Variants in UBE4B observed in about 807,000 individuals in gnomAD.
The protein encoded by UBE4B is ubiquitination factor E4B.
A neutral mutation model predicts 148.1 loss-of-function variants in UBE4B; 27 were observed. That is an observed-to-expected ratio of 0.18 (90% CI 0.13 to 0.25). The LOEUF (loss-of-function observed/expected upper bound fraction) is 0.25. UBE4B is among the 10% of genes least tolerant of loss of function. The pLI is 1.00. For missense variants in UBE4B, 1,170 were observed against 1,662.4 expected, an observed-to-expected ratio of 0.70 and a Z score of 5.15; for synonymous variants, 596 against 619.3, an observed-to-expected ratio of 0.96 and a Z score of 0.56.
chr1:10,066,798 C>T (rs1052688610), intron 1 of UBE4B, among the ~76,000 whole-genome samples: 6 of 151,330 alleles, frequency 4.0e-5, no homozygotes, highest in African/African-American at 1.2e-4. Context: ...CCCAGCTACT[C>T]GGGAGGCTGA....
intron 1 of UBE4B, among the ~76,000 whole-genome samples, chr1:10,065,833 CTAA>C (rs1349398440): frequency 1.3e-5 from 2 of 152,052 alleles, no homozygotes; most frequent in African/African-American, 4.8e-5. Context: ...ATAATTTGCA[CTAA>C]TAATAATGTT....
At chr1:10,159,525 T>C (rs1349783774) in intron 22 of UBE4B, among the ~76,000 whole-genome samples, 8 of 152,048 alleles carry the variant, frequency 5.3e-5, no homozygotes, top group Non-Finnish European at 1.2e-4. Flanking sequence ...ACCAAAAAAT[T>C]AGCCAGGCAT....
At chr1:10,098,624 A>C (rs1644964134) in intron 3 of UBE4B, among the ~76,000 whole-genome samples, 1 of 152,210 alleles carries the variant, frequency 6.6e-6, no homozygotes, top group African/African-American at 2.4e-5. Context: ...CAGATGGCAT[A>C]GATTAAAGAT....
At chr1:10,134,443 C>T (rs1222620489) in intron 15 of UBE4B, among the ~76,000 whole-genome samples, 3 of 151,782 alleles carry the variant, frequency 2.0e-5, no homozygotes, top group Admixed American at 6.6e-5. Flanking sequence ...ACCCGGGAGG[C>T]GGAGGTTGTA....
In UBE4B at chr1:10,137,185, G is replaced by C. The variant is rs1319008877; in HGVS notation, c.2343G>C (p.Arg781=). 6.2e-7 allele frequency: 1 copy of C among 1,614,108 alleles called. No individual in the cohort carries two copies. Among genetic ancestry groups the C allele is most frequent in the Non-Finnish European group, 8.5e-7 (1 of 1,180,018 alleles). Residue 781 remains arginine (R), a synonymous_variant, in exon 17 of 28, where the codon CGG becomes CGC. Transcript: ENST00000343090. ...PSCRRYIRRL[R]AIRELNRTVE... is the part of the protein sequence containing the mutation. ...GCCGTCGCTATATCCGCAGACTCCG[G>C]GCTATCCGGGAGCTCAATAGGTATG...
At chr1:10,070,903 T>G (rs1644473048) in intron 1 of UBE4B, among the ~76,000 whole-genome samples, 1 of 152,200 alleles carries the variant, frequency 6.6e-6, no homozygotes, top group African/African-American at 2.4e-5. Flanking sequence ...TGAATTAAAT[T>G]GGCTATTTAT....
chr1:10,126,338 G>GATAGATAGATAGATAGATAGATAT (rs1645495746), intron 10 of UBE4B, among the ~76,000 whole-genome samples: 1 of 152,104 alleles, frequency 6.6e-6, no homozygotes, highest in African/African-American at 2.4e-5. Flanking sequence ...TAGATAGATA[G>GATAGATAGATAGATAGATAGATAT]ATAGATAGAT....
chr1:10,135,700 C>T (rs1265675072), intron 16 of UBE4B, among the ~76,000 whole-genome samples: 1 of 132,794 alleles, frequency 7.5e-6, no homozygotes, highest in Non-Finnish European at 1.5e-5. Flanking sequence ...CACGGCACTG[C>T]ACTCCAGCCT....
At chr1:10,166,972 A>ACAC (rs1557612300) in intron 23 of UBE4B, among the ~76,000 whole-genome samples, 186 of 120,322 alleles carry the variant, frequency 1.5e-3, no homozygotes, top group Middle Eastern at 8.1e-3. Flanking sequence ...CACACACACA[A>ACAC]AAAAAAAAAA....
chr1:10,043,672 C>A (rs998689683), intron 1 of UBE4B, among the ~76,000 whole-genome samples: 1 of 152,064 alleles, frequency 6.6e-6, no homozygotes, highest in African/African-American at 2.4e-5. Context: ...TCGTGATCCA[C>A]CCGCCTCAGC....
intron 17 of UBE4B, among the ~76,000 whole-genome samples, chr1:10,144,214 C>G (rs1375390755): frequency 6.6e-6 from 1 of 152,088 alleles, no homozygotes. Flanking sequence ...AAGAGCATTG[C>G]GAGCAGAGGG....
At chr1:10,089,866 A>AT (rs999026515) in intron 2 of UBE4B, among the ~76,000 whole-genome samples, 2 of 150,536 alleles carry the variant, frequency 1.3e-5, no homozygotes, top group Non-Finnish European at 3.0e-5. Flanking sequence ...TGTCTGGCTA[A>AT]TTTTTTTTTG....
chr1:10,093,656 G>A (rs1644883517), intron 2 of UBE4B, among the ~76,000 whole-genome samples: 2 of 151,980 alleles, frequency 1.3e-5, no homozygotes, highest in African/African-American at 2.4e-5. Context: ...TCACTACAAC[G>A]GGTAACTCAA....
At position 10,174,987 on chromosome 1, in the gene UBE4B, C is replaced by T. The variant is rs539947682; in HGVS notation, c.3526-3657C>T. Among the ~76,000 whole-genome samples, 19 of 152,100 alleles carry T rather than the reference C, an allele frequency of 1.2e-4. 1 individual carries two copies. The highest frequency in any genetic ancestry group is 1.0e-3 in the Admixed American group (16 of 15,268). On this transcript the variant is annotated intron_variant, in intron 25 of 27. Transcript: ENST00000343090. ...GTTTGGTTTGGTATGTCTTGTTTTC[C>T]GGGAAAGACAAAGGAAGAGGAAAAT... is the stretch of plus-strand genomic sequence containing the variant.
At chr1:10,124,590 A>T (rs1290079356) in intron 10 of UBE4B, among the ~76,000 whole-genome samples, 1 of 152,198 alleles carries the variant, frequency 6.6e-6, no homozygotes, top group Non-Finnish European at 1.5e-5. Context: ...TTTTATCTAG[A>T]GAGGAATGAT....
Position 10,103,063 on chromosome 1 carries a change from C to T in UBE4B, c.551C>T (p.Ser184Phe). 1 of 1,612,280 alleles carries T rather than the reference C, an allele frequency of 6.2e-7. No homozygotes were observed. Among genetic ancestry groups the T allele is most frequent in the Non-Finnish European group, 8.5e-7 (1 of 1,179,426 alleles). ...DRDVIFLSSL[S>F]AQFKQNPKEV... ...GATGTCATCTTTCTTTCTTCTCTTT[C>T]TGCACAGTTTAAGCAGAACCCAAAA... The change falls in exon 5 of 28, where the codon TCT (serine) becomes TTT (phenylalanine). Residue 184 changes from serine to phenylalanine, a missense_variant. Physicochemically the swap from Ser to Phe is radical, Grantham distance 155 (BLOSUM62 -2). Transcript: ENST00000343090.
chr1:10,158,064 T>C (rs1646102347), intron 21 of UBE4B, among the ~76,000 whole-genome samples: 1 of 151,916 alleles, frequency 6.6e-6, no homozygotes. Context: ...GTGGGGGGAG[T>C]ATGATAATTC....
chr1:10,075,228 A>G (rs575880874), intron 2 of UBE4B, among the ~76,000 whole-genome samples: 1 of 152,328 alleles, frequency 6.6e-6, no homozygotes, highest in Non-Finnish European at 1.5e-5. Flanking sequence ...GTAAAACTTC[A>G]CTTACAAAAA....
rs541171526 is a variant in UBE4B, at chr1:10,092,721, G to A, written c.212-2740G>A. Among the ~76,000 whole-genome samples, 6 of 152,100 alleles carry A rather than the reference G, an allele frequency of 3.9e-5. No individual in the cohort carries two copies. In the East Asian group the frequency reaches 7.8e-4, roughly 20 times the overall value. ...CGCATGCCTGTAATCCTAGCTACTC[G>A]GGAGGCTGAGGCAAGAGAGTTGCTT... is the stretch of plus-strand genomic sequence containing the variant. On this transcript the variant is annotated intron_variant, in intron 2 of 27. Transcript: ENST00000343090.
Sources: gnomAD v4.1 joint callset for allele counts (sites outside exome capture counted in the v4.1 genomes callset) on GRCh38, gnomAD v4.1.1 for gene constraint, MANE v1.5 for transcripts, NCBI Gene and HGNC (gene_info 2026-07-23, HGNC 2026-07-21) for gene names.